IPO11: variants seen among roughly 807,000 people sequenced by gnomAD.
IPO11 encodes the protein importin 11.
A neutral mutation model predicts 143.2 loss-of-function variants in IPO11; 66 were observed. The ratio of observed to expected loss-of-function variants is 0.46; its 90% CI spans 0.38 to 0.57. The LOEUF (loss-of-function observed/expected upper bound fraction) is 0.57, where lower values mean the gene tolerates loss of function less well. Among genes scored for constraint, IPO11 ranks in the 20% least tolerant of loss-of-function variants. The pLI is 0.00. For synonymous variants in IPO11, 385 were observed against 377.8 expected, an observed-to-expected ratio of 1.02 and a Z score of -0.22; for missense variants, 1,026 against 1,141.0, an observed-to-expected ratio of 0.90 and a Z score of 1.45.
At chr5:62,419,846 TA>T (rs1444943375) in intron 1 of IPO11, among the ~76,000 whole-genome samples, 5 of 151,954 alleles carry the variant, frequency 3.3e-5, no homozygotes, top group Admixed American at 3.3e-4. Flanking sequence ...GTAAAAAAAT[TA>T]GCATGGCATG....
chr5:62,572,154 A>C (rs1015493781), intron 27 of IPO11, among the ~76,000 whole-genome samples: 3 of 152,154 alleles, frequency 2.0e-5, no homozygotes, highest in Non-Finnish European at 4.4e-5. Flanking sequence ...TCTATTCCAC[A>C]ATCTGGTTTT....
intron 3 of IPO11, among the ~76,000 whole-genome samples, chr5:62,443,466 T>G (rs1744584157): frequency 6.6e-6 from 1 of 151,194 alleles, no homozygotes; most frequent in Non-Finnish European, 1.5e-5. Flanking sequence ...CTTGCAAGGA[T>G]CATGCTGAGT....
intron 19 of IPO11, among the ~76,000 whole-genome samples, chr5:62,512,063 A>G (rs930132755): frequency 7.2e-5 from 11 of 152,354 alleles, no homozygotes; most frequent in African/African-American, 2.6e-4. Flanking sequence ...TGGCTGGGCT[A>G]TGGTGGAGGT....
At chr5:62,593,979 A>G (rs1745123950) in intron 28 of IPO11, among the ~76,000 whole-genome samples, 1 of 152,178 alleles carries the variant, frequency 6.6e-6, no homozygotes, top group African/African-American at 2.4e-5. Flanking sequence ...TAAAATACAT[A>G]CTTATGTAGC....
At chr5:62,442,850 G>A in intron 2 of IPO11, 133 bp from the exon 3 acceptor site, 2 of 337,308 alleles carry the variant, frequency 5.9e-6, no homozygotes, top group Non-Finnish European at 1.0e-5. Context: ...GGCGACGAGA[G>A]TGAAACTGTC....
chr5:62,513,655 C>G, intron 19 of IPO11, among the ~76,000 whole-genome samples: 1 of 146,738 alleles, frequency 6.8e-6, no homozygotes, highest in Non-Finnish European at 1.5e-5. Context: ...GCGCCCCTCA[C>G]CTCCCGGACA....
chr5:62,580,426 C>G (rs2112404048), intron 27 of IPO11: 1 of 1,551,158 alleles, frequency 6.4e-7, no homozygotes, highest in East Asian at 2.4e-5. Flanking sequence ...TTTGAAGATC[C>G]TTAATCTGTC....
intron 1 of IPO11, among the ~76,000 whole-genome samples, chr5:62,435,114 A>ATGTATGTATATATGTATATG (rs1326687822): frequency 1.2e-4 from 12 of 102,310 alleles, no homozygotes; most frequent in African/African-American, 5.4e-4. Context: ...ATATATGTAT[A>ATGTATGTATATATGTATATG]TATGTATATA....
At chr5:62,487,654 A>T in intron 12 of IPO11, 117 bp from the exon 13 acceptor site, 6 of 1,113,244 alleles carry the variant, frequency 5.4e-6, no homozygotes, top group Non-Finnish European at 6.9e-6. Context: ...ACAAATCAAA[A>T]GTTGGAAACA....
intron 29 of IPO11, among the ~76,000 whole-genome samples, chr5:62,606,572 C>T (rs1399814313): frequency 1.3e-5 from 2 of 148,632 alleles, no homozygotes; most frequent in African/African-American, 5.0e-5. Context: ...TACGGTGGCT[C>T]ACGCCTGTAA....
At chr5:62,476,902 A>G in intron 9 of IPO11, 149 bp downstream of exon 9, 1 of 804,960 alleles carries the variant, frequency 1.2e-6, no homozygotes, top group African/African-American at 1.8e-5. Flanking sequence ...AATTGCTTTT[A>G]TATGTACTTT....
At chr5:62,580,822 C>T in intron 27 of IPO11, 1 of 1,551,376 alleles carries the variant, frequency 6.4e-7, no homozygotes, top group Admixed American at 2.0e-5. Context: ...TCCTACTTCA[C>T]CTGCTGGTAG....
In IPO11 at chr5:62,484,035, C is replaced by A; in HGVS notation, c.1047C>A (p.Ala349=). The part of the protein sequence containing the change: ...FEDSSPETLE[A]HKIKMAFFTY... ...ATAGCAGCCCTGAAACTCTTGAAGC[C>A]CATAAGATTAAGATGGCATTCTTCA... Residue 349 remains alanine (A), a synonymous_variant, in exon 11 of 30, where the codon GCC becomes GCA. Transcript: ENST00000325324. 6.2e-7 allele frequency: 1 copy of A among 1,605,670 alleles called. No individual in the cohort carries two copies.
chr5:62,494,848 A>AT (rs559426547), intron 16 of IPO11, among the ~76,000 whole-genome samples: 60 of 149,196 alleles, frequency 4.0e-4, no homozygotes, highest in African/African-American at 6.7e-4. Context: ...AAATTAAGTG[A>AT]TTTTTTTTTT....
intron 20 of IPO11, among the ~76,000 whole-genome samples, chr5:62,518,233 C>T (rs1742090739): frequency 6.6e-6 from 1 of 151,658 alleles, no homozygotes; most frequent in Non-Finnish European, 1.5e-5. Context: ...ATCACGAGGT[C>T]AGGAGATTGA....
At chr5:62,578,792 T>TAAA (rs746071621) in intron 27 of IPO11, 338 of 338,400 alleles carry the variant, frequency 1.0e-3, no homozygotes, top group South Asian at 1.9e-3. Flanking sequence ...AACGGTGACT[T>TAAA]AAAAAAAAAA....
rs536323923 is a variant in IPO11 at position 62,443,234 on chromosome 5, G to T, written c.239+151G>T. The stretch of plus-strand genomic sequence containing the variant: ...GAGCAATACAGAGACGATTAGCATG[G>T]TCTCTGTGCAAGGATGATGTGGAGA... On this transcript the variant is annotated intron_variant, in intron 3 of 29. Transcript: ENST00000325324. The T allele has an allele frequency of 3.1e-5, 15 of 478,778 alleles. No homozygotes were observed. In the South Asian group the frequency reaches 7.1e-4, roughly 23 times the overall value. 29.7% of individuals were successfully genotyped at this position (478,778 alleles called of 1,614,324 possible).
At chr5:62,580,691 TA>T (rs1744517086) in intron 27 of IPO11, 1 of 1,551,334 alleles carries the variant, frequency 6.4e-7, no homozygotes, top group Non-Finnish European at 8.7e-7. Context: ...TGGGCTGTTG[TA>T]AAATCTCCTC....
At chr5:62,413,308 G>C (rs1743181293) in intron 1 of IPO11, 1 of 152,222 alleles carries the variant, frequency 6.6e-6, no homozygotes, top group Non-Finnish European at 1.5e-5. Context: ...GTATAAGACC[G>C]TTGTGCATTG....
Sources: gnomAD v4.1 joint callset for allele counts (sites outside exome capture counted in the v4.1 genomes callset) on GRCh38, gnomAD v4.1.1 for gene constraint, MANE v1.5 for transcripts, NCBI Gene and HGNC (gene_info 2026-07-23, HGNC 2026-07-21) for gene names.